Variants in CDH20 observed in about 807,000 individuals in gnomAD.
The protein encoded by CDH20 is cadherin-20.
CDH20 carries 29 observed loss-of-function variants against 74.2 expected under a neutral mutation model. That is an observed-to-expected ratio of 0.39 (90% confidence interval 0.29 to 0.53). The LOEUF (loss-of-function observed/expected upper bound fraction) is 0.53. Ranked by LOEUF, CDH20 falls within the 20% of genes least tolerant of loss-of-function variation. The pLI, the probability that CDH20 is intolerant of heterozygous loss-of-function variation, is 0.69. For missense variants in CDH20, 988 were observed against 1,048.3 expected (o/e 0.94, Z 0.79); for synonymous variants, 469 against 405.4 (o/e 1.16, Z -1.88).
chr18:61,514,816 G>T (rs1391789539), intron 6 of CDH20, among the ~76,000 whole-genome samples: 2 of 152,088 alleles, frequency 1.3e-5, no homozygotes, highest in Non-Finnish European at 2.9e-5. Context: ...CTGCTTGGGG[G>T]TCAGGGGTCA....
intron 1 of CDH20, among the ~76,000 whole-genome samples, chr18:61,361,813 T>C (rs1034772013): frequency 2.6e-5 from 4 of 152,198 alleles, no homozygotes; most frequent in Admixed American, 1.3e-4. Flanking sequence ...GAGAACATAA[T>C]AGATTAGAAA....
At chr18:61,384,277 T>C (rs1425877366) in intron 1 of CDH20, among the ~76,000 whole-genome samples, 1 of 152,210 alleles carries the variant, frequency 6.6e-6, no homozygotes, top group African/African-American at 2.4e-5. Flanking sequence ...AACTTTTTCA[T>C]TGTATCTCAT....
At chr18:61,541,324 A>G (rs957126918) in intron 9 of CDH20, among the ~76,000 whole-genome samples, 1 of 151,630 alleles carries the variant, frequency 6.6e-6, no homozygotes, top group East Asian at 1.9e-4. Context: ...TTATAAAATT[A>G]TATGAATATT....
chr18:61,354,844 C>A (rs1371138705), intron 1 of CDH20, among the ~76,000 whole-genome samples: 1 of 152,166 alleles, frequency 6.6e-6, no homozygotes, highest in Non-Finnish European at 1.5e-5. Flanking sequence ...GAGCTACCTA[C>A]ACATTTGTAA....
chr18:61,454,518 A>T (rs1015661144), intron 1 of CDH20, among the ~76,000 whole-genome samples: 11 of 152,256 alleles, frequency 7.2e-5, no homozygotes, highest in Non-Finnish European at 1.3e-4. Flanking sequence ...GCACACTGAA[A>T]TAAGAAAGTC....
At chr18:61,495,859 C>T (rs143950041) in intron 2 of CDH20, among the ~76,000 whole-genome samples, 1 of 152,236 alleles carries the variant, frequency 6.6e-6, no homozygotes, top group Non-Finnish European at 1.5e-5. Flanking sequence ...TCCCTGACTA[C>T]ACCAAGAACT....
intron 1 of CDH20, among the ~76,000 whole-genome samples, chr18:61,337,612 T>C (rs910030750): frequency 1.3e-5 from 2 of 152,144 alleles, no homozygotes; most frequent in Admixed American, 1.3e-4. Context: ...AGAAAACATA[T>C]TTTATGTAAT....
At chr18:61,413,420 A>C (rs1003218578) in intron 1 of CDH20, among the ~76,000 whole-genome samples, 2 of 152,176 alleles carry the variant, frequency 1.3e-5, no homozygotes, top group Non-Finnish European at 2.9e-5. Flanking sequence ...ACTCGCTTTC[A>C]ATATGAAAGC....
At chr18:61,418,986 C>A (rs1054332774) in intron 1 of CDH20, among the ~76,000 whole-genome samples, 1 of 151,966 alleles carries the variant, frequency 6.6e-6, no homozygotes, top group African/African-American at 2.4e-5. Context: ...TACATCAGAA[C>A]TCATATATCT....
intron 1 of CDH20, among the ~76,000 whole-genome samples, chr18:61,428,580 C>A (rs553910110): frequency 1.3e-5 from 2 of 152,292 alleles, no homozygotes; most frequent in African/African-American, 4.8e-5. Flanking sequence ...AACACTGACA[C>A]CTTGCATCTC....
Position 61,449,160 on chromosome 18 carries a change from C to T in CDH20, c.-152-41242C>T, listed in dbSNP as rs1248778716. On this transcript the variant is annotated intron_variant, in intron 1 of 11. Transcript: ENST00000262717. Reference sequence around the variant, plus strand: ...CCACCTTTACCACTCAAACCTATAACGACCTCATTTAATTCCAGCACAGAA... The same window carrying T: ...CCACCTTTACCACTCAAACCTATAATGACCTCATTTAATTCCAGCACAGAA... 2.0e-5 allele frequency among the ~76,000 whole-genome samples: 3 copies of T among 152,256 alleles called. No individual in the cohort carries two copies. The South Asian group carries it at 6.2e-4, about 32-fold the overall frequency.
At chr18:61,487,465 T>C (rs115771582) in intron 1 of CDH20, among the ~76,000 whole-genome samples, 15 of 152,134 alleles carry the variant, frequency 9.9e-5, no homozygotes, top group East Asian at 1.9e-4. Flanking sequence ...CCTAAGGAAG[T>C]AGAAATAAAG....
chr18:61,530,582 T>C (rs1164183175), intron 7 of CDH20, among the ~76,000 whole-genome samples: 1 of 152,222 alleles, frequency 6.6e-6, no homozygotes. Context: ...ATTAGGACTT[T>C]TATAATCTCC....
chr18:61,447,605 T>G (rs1185633364), intron 1 of CDH20, among the ~76,000 whole-genome samples: 6 of 152,224 alleles, frequency 3.9e-5, no homozygotes, highest in Non-Finnish European at 7.3e-5. Context: ...TTAATTGCCT[T>G]TGAATTAAAG....
intron 1 of CDH20, among the ~76,000 whole-genome samples, chr18:61,425,668 A>G (rs990507451): frequency 6.6e-6 from 1 of 152,344 alleles, no homozygotes; most frequent in East Asian, 1.9e-4. Context: ...GATGAAAAGC[A>G]TAAGAATTAT....
At chr18:61,449,374 T>C (rs909872864) in intron 1 of CDH20, among the ~76,000 whole-genome samples, 2 of 152,132 alleles carry the variant, frequency 1.3e-5, no homozygotes, top group African/African-American at 2.4e-5. Context: ...CTTCCCTTAT[T>C]TGTAGCTAAA....
rs751740698 is a variant in CDH20 at position 61,503,045 on chromosome 18, G to A, written c.754G>A (p.Gly252Arg). 1 of 1,613,918 alleles carries A rather than the reference G, an allele frequency of 6.2e-7. No individual in the cohort carries two copies. Among genetic ancestry groups the A allele is most frequent in the Non-Finnish European group, 8.5e-7 (1 of 1,179,812 alleles). The change falls in exon 5 of 12, where the codon GGA becomes AGA. Residue 252 changes from glycine to arginine, a missense_variant. By Grantham distance (125) the Gly-to-Arg change is moderately radical (BLOSUM62 -2). Around this residue, in one of 2 missense-constraint regions of CDH20, gnomAD observed 613 missense variants for 755.2 expected, o/e 0.81. Coordinates refer to ENST00000262717, the MANE Select transcript of CDH20 (RefSeq NM_031891.4). ...IQAKDMGGQLGGLAGTTTVNI... is the reference protein window; with the variant it reads ...IQAKDMGGQLRGLAGTTTVNI... ...AGCCAAGGACATGGGAGGGCAGCTTGGAGGATTAGCTGGGACCACAACAGT... is the reference window on the plus strand; with the variant it reads ...AGCCAAGGACATGGGAGGGCAGCTTAGAGGATTAGCTGGGACCACAACAGT...
At chr18:61,513,859 C>A (rs1051325177) in intron 6 of CDH20, among the ~76,000 whole-genome samples, 6 of 151,982 alleles carry the variant, frequency 3.9e-5, no homozygotes, top group African/African-American at 1.5e-4. Flanking sequence ...GGGTTTCTGC[C>A]GAGAGATCCG....
chr18:61,364,192 A>C (rs1440231704), intron 1 of CDH20, among the ~76,000 whole-genome samples: 2 of 152,102 alleles, frequency 1.3e-5, no homozygotes, highest in Non-Finnish European at 2.9e-5. Context: ...CCTCACATTT[A>C]AGTTTGGTTC....
Sources: gnomAD v4.1 joint callset for allele counts (sites outside exome capture counted in the v4.1 genomes callset) on GRCh38, gnomAD v4.1.1 for gene constraint, gnomAD v4.1.1 regional missense constraint, MANE v1.5 for transcripts, NCBI Gene and HGNC (gene_info 2026-07-23, HGNC 2026-07-21) for gene names.